The following HACD2 variants were observed in gnomAD, a reference collection of about 807,000 sequenced individuals.
HACD2 encodes the protein very-long-chain (3R)-3-hydroxyacyl-CoA dehydratase 2.
In HACD2, 15 loss-of-function variants were observed where a neutral mutation model predicts 31.0. That is an observed-to-expected ratio of 0.48 (90% CI 0.32 to 0.75). HACD2 has a LOEUF of 0.75. Among genes scored for constraint, HACD2 ranks in the 30% least tolerant of loss-of-function variants. The pLI is 0.03. For missense variants in HACD2, 283 were observed against 313.0 expected (o/e 0.90, Z 0.72); for synonymous variants, 115 against 122.2 (o/e 0.94, Z 0.39).
chr3:123,558,805 C>T (rs1176416158), intron 3 of HACD2, among the ~76,000 whole-genome samples: 1 of 152,138 alleles, frequency 6.6e-6, no homozygotes, highest in African/African-American at 2.4e-5. Flanking sequence ...TTTGGTTCAA[C>T]AGGATTTACT....
In HACD2 at chr3:123,564,169, G is replaced by A. The variant is rs530094510; in HGVS notation, c.292+3593C>T. Among the ~76,000 whole-genome samples the A allele has an allele frequency of 2.6e-5, 4 of 152,334 alleles. No homozygotes were observed. The South Asian group carries it at 8.3e-4, about 32-fold the overall frequency. ...AGAATAGTGAGGTAGAACGAGTCTG[G>A]GAGTGTGGGTCATGCTGAGGAGGTG... On this transcript the variant is annotated intron_variant, in intron 3 of 6. Transcript: ENST00000383657.
intron 3 of HACD2, among the ~76,000 whole-genome samples, chr3:123,557,455 T>G (rs945702461): frequency 1.3e-5 from 2 of 152,092 alleles, no homozygotes; most frequent in African/African-American, 4.8e-5. Context: ...TTGAGAAAGA[T>G]AGCAAGATCC....
At position 123,493,653 on chromosome 3, in the gene HACD2, T is replaced by C. The variant is rs958664174; in HGVS notation, c.*1235A>G. 6 of 152,198 alleles carry C rather than the reference T, an allele frequency of 3.9e-5. No homozygotes were observed. The highest frequency in any genetic ancestry group is 8.8e-5 in the Non-Finnish European group (6 of 68,028). 9.4% of individuals were successfully genotyped at this position (152,198 alleles called of 1,614,324 possible). A position where few individuals can be genotyped will look rare whatever the true frequency, so the allele number is the denominator to read the frequency against. ...CTACAGTTGCAGTACCAATCCTTTC[T>C]TGAGGAGTTTTAAATGCATGGTTGA... is the stretch of plus-strand genomic sequence containing the variant. On this transcript the variant is annotated 3_prime_UTR_variant, in exon 7 of 7. Transcript: ENST00000383657.
intron 3 of HACD2, among the ~76,000 whole-genome samples, chr3:123,550,149 A>C (rs62264564): frequency 0.02 from 3,030 of 152,280 alleles, 40 homozygotes; most frequent in South Asian, 0.033. Flanking sequence ...TTTCAACAAC[A>C]ACAACAAAAA....
rs576003815 is a variant in HACD2 at position 123,495,733 on chromosome 3, G to C, written c.683-763C>G. ...GAATGGGATAGTACTGCCTCCCTCG[G>C]AACTATTTGGAACTATTTCGATAGT... is the stretch of plus-strand genomic sequence containing the variant. On this transcript the variant is annotated intron_variant, in intron 6 of 6. Transcript: ENST00000383657. Among the ~76,000 whole-genome samples the C allele has an allele frequency of 5.3e-5, 8 of 152,244 alleles. No individual in the cohort carries two copies. In the South Asian group the frequency reaches 1.7e-3, roughly 32 times the overall value.
Position 123,502,657 on chromosome 3 carries a change from G to A in HACD2, c.406C>T (p.Leu136=), listed in dbSNP as rs528177792. 1 of 1,604,922 alleles carries A rather than the reference G, an allele frequency of 6.2e-7. No homozygotes were observed. The highest frequency in any genetic ancestry group is 8.5e-7 in the Non-Finnish European group (1 of 1,175,564). The part of the protein sequence containing the change: ...KEVQSEDSVL[L]FVIAWTITEI... The stretch of plus-strand genomic sequence containing the variant: ...GTGATCGTCCATGCAATAACAAACA[G>A]GAGGACACTGTCTTCACTCTGTACC... Residue 136 remains leucine (L), a synonymous_variant, in exon 5 of 7, where the codon CTG becomes TTG. Coordinates refer to ENST00000383657, the MANE Select transcript of HACD2 (RefSeq NM_198402.5).
chr3:123,542,223 G>A lies in HACD2; in HGVS notation c.293-13749C>T, dbSNP rs140353315. The stretch of plus-strand genomic sequence containing the variant: ...AAAATCAAGATGCTAATAGGCAAAT[G>A]AGCAAAGGGCATAAATAGACAATTC... On this transcript the variant is annotated intron_variant, in intron 3 of 6. Transcript: ENST00000383657. Among the ~76,000 whole-genome samples the A allele has an allele frequency of 4.1e-3, 602 of 146,554 alleles. 13 individuals are homozygous for A. Among genetic ancestry groups the A allele is most frequent in the East Asian group, 6.3e-3 (31 of 4,926 alleles).
intron 6 of HACD2, among the ~76,000 whole-genome samples, chr3:123,496,331 C>G (rs766130469): frequency 3.9e-5 from 6 of 152,180 alleles, no homozygotes; most frequent in Non-Finnish European, 7.4e-5. Context: ...CCCAGTCTCT[C>G]TTTTTTATAC....
At chr3:123,579,134 T>A (rs1417959075) in intron 2 of HACD2, among the ~76,000 whole-genome samples, 1 of 152,212 alleles carries the variant, frequency 6.6e-6, no homozygotes, top group Non-Finnish European at 1.5e-5. Flanking sequence ...AAATCCAAGA[T>A]ATTTTCCTAA....
chr3:123,545,783 C>T (rs2056553270), intron 3 of HACD2, among the ~76,000 whole-genome samples: 1 of 150,660 alleles, frequency 6.6e-6, no homozygotes, highest in Admixed American at 6.6e-5. Flanking sequence ...GCGATCTTAG[C>T]TCACTGCAAC....
At chr3:123,570,039 G>A (rs989613234) in intron 2 of HACD2, among the ~76,000 whole-genome samples, 1 of 130,928 alleles carries the variant, frequency 7.6e-6, no homozygotes, top group East Asian at 2.5e-4. Flanking sequence ...AGACATCCAG[G>A]CTGCTGATTA....
chr3:123,501,222 T>A (rs907569930), intron 5 of HACD2, among the ~76,000 whole-genome samples: 1 of 152,226 alleles, frequency 6.6e-6, no homozygotes, highest in Non-Finnish European at 1.5e-5. Flanking sequence ...ATATATACAA[T>A]TAAAAAAATT....
rs1221302516 is a variant in HACD2, at chr3:123,570,939, CACACAT to C, written c.274-3165_274-3160del. On this transcript the variant is annotated intron_variant, in intron 2 of 6. Transcript: ENST00000383657. ...CATTACACACACACACACACACACACACACATACACACACACACAGGCAATAATATG... is the reference window on the plus strand; with the variant it reads ...CATTACACACACACACACACACACACACACACACACACAGGCAATAATATG... 1.0e-3 allele frequency among the ~76,000 whole-genome samples: 159 copies of C among 151,886 alleles called. 1 individual carries two copies. The highest frequency in any genetic ancestry group is 3.7e-3 in the African/African-American group (152 of 41,336).
intron 2 of HACD2, among the ~76,000 whole-genome samples, chr3:123,576,177 T>A (rs1233246588): frequency 6.6e-6 from 1 of 152,186 alleles, no homozygotes; most frequent in Non-Finnish European, 1.5e-5. Flanking sequence ...CTTTTTTGAA[T>A]CTTCAGTATC....
intron 2 of HACD2, among the ~76,000 whole-genome samples, chr3:123,577,822 T>C (rs1027394114): frequency 7.9e-5 from 12 of 152,062 alleles, no homozygotes; most frequent in African/African-American, 2.7e-4. Context: ...ACTCCAAAAA[T>C]GAATAAAGTA....
At chr3:123,509,583 C>T (rs1318024559) in intron 4 of HACD2, among the ~76,000 whole-genome samples, 1 of 151,004 alleles carries the variant, frequency 6.6e-6, no homozygotes, top group Non-Finnish European at 1.5e-5. Context: ...ACTGCAAGCT[C>T]CGCTTCCCGG....
intron 6 of HACD2, 70 bp downstream of exon 6, chr3:123,500,445 C>T: frequency 1.0e-6 from 1 of 974,656 alleles, no homozygotes; most frequent in Non-Finnish European, 1.5e-6. Flanking sequence ...CAAAGACAGT[C>T]AAAGATATTT....
intron 4 of HACD2, among the ~76,000 whole-genome samples, chr3:123,522,477 G>A (rs370255184): frequency 1.3e-5 from 2 of 152,092 alleles, no homozygotes; most frequent in African/African-American, 2.4e-5. Context: ...AAAACACTGA[G>A]AGAAAAATAG....
intron 3 of HACD2, among the ~76,000 whole-genome samples, chr3:123,563,638 T>A (rs577175087): frequency 3.4e-3 from 263 of 76,694 alleles, no homozygotes; most frequent in African/African-American, 7.6e-3. Flanking sequence ...GACAAAAAAA[T>A]ATATATACAC....
Sources: allele counts gnomAD v4.1 joint callset (sites outside exome capture counted in the v4.1 genomes callset), GRCh38; gene constraint gnomAD v4.1.1; transcripts MANE v1.5; gene names NCBI Gene and HGNC (gene_info 2026-07-23, HGNC 2026-07-21).